IFT122: variants seen among roughly 807,000 people sequenced by gnomAD.
The protein encoded by IFT122 is intraflagellar transport 122, also known as intraflagellar transport protein 122 homolog.
IFT122 carries 118 observed loss-of-function variants against 161.6 expected under a neutral mutation model. That is an observed-to-expected ratio of 0.73 (90% CI 0.63 to 0.85). The LOEUF is 0.85. Among genes scored for constraint, IFT122 ranks in the 40% least tolerant of loss-of-function variants. IFT122 has a pLI of 0.00. For missense variants in IFT122, 1,381 were observed against 1,579.6 expected (o/e 0.87, Z 2.13); for synonymous variants, 550 against 602.4 (o/e 0.91, Z 1.27).
chr3:129,477,496 G>T (rs766663236), intron 11 of IFT122, among the ~76,000 whole-genome samples: 13 of 152,212 alleles, frequency 8.5e-5, no homozygotes, highest in Non-Finnish European at 1.8e-4. Flanking sequence ...TCCCCCTGGG[G>T]GACCCTATCT....
chr3:129,455,513 A>G (rs1254626782), intron 3 of IFT122, among the ~76,000 whole-genome samples: 5 of 152,174 alleles, frequency 3.3e-5, no homozygotes, highest in African/African-American at 1.2e-4. Context: ...ATATAAAAGT[A>G]TGTAAGACAT....
At chr3:129,467,135 A>G (rs1053713518) in intron 8 of IFT122, 69 bp downstream of exon 8, 2 of 1,485,306 alleles carry the variant, frequency 1.3e-6, no homozygotes, top group Admixed American at 1.8e-5. Flanking sequence ...TTGCCAGGAC[A>G]GATGTTAAAC....
chr3:129,470,189 G>A (rs2077215428), intron 9 of IFT122, among the ~76,000 whole-genome samples: 1 of 152,128 alleles, frequency 6.6e-6, no homozygotes, highest in Admixed American at 6.5e-5. Flanking sequence ...CTGCATCTCA[G>A]AGTTTGTGAC....
In IFT122 at chr3:129,514,672, T is replaced by C. The variant is rs1382363085; in HGVS notation, c.3153+118T>C. ...GACAGCTGCAGCTCCCTCTAGGCTC[T>C]GTGCCCCCTGCTCAAGCCTGGCCAT... is the stretch of plus-strand genomic sequence containing the variant. On this transcript the variant is annotated intron_variant, in intron 25 of 29. Transcript: ENST00000348417. 5.1e-6 allele frequency: 6 copies of C among 1,174,950 alleles called. No homozygotes were observed. The African/African-American group carries it at 7.5e-5, about 15-fold the overall frequency. 72.8% of individuals were successfully genotyped at this position (1,174,950 alleles called of 1,614,324 possible).
chr3:129,484,040 C>CGCG, intron 15 of IFT122: 1 of 344,230 alleles, frequency 2.9e-6, no homozygotes, highest in Non-Finnish European at 5.7e-6. Flanking sequence ...TGTGTGAGTA[C>CGCG]GTGTGTGATG....
At chr3:129,510,348 C>G (rs2082683996) in intron 23 of IFT122, among the ~76,000 whole-genome samples, 2 of 152,230 alleles carry the variant, frequency 1.3e-5, no homozygotes, top group Admixed American at 1.3e-4. Context: ...AAGAAGGACT[C>G]CTGACAGGCT....
intron 25 of IFT122, chr3:129,515,127 T>TGTGA (rs1266756884): frequency 2.4e-6 from 1 of 419,226 alleles, no homozygotes; most frequent in African/African-American, 2.0e-5. Flanking sequence ...CACAGGTAGT[T>TGTGA]GTGAGGCTAA....
chr3:129,479,215 A>G (rs964044256), intron 12 of IFT122, among the ~76,000 whole-genome samples: 1 of 147,472 alleles, frequency 6.8e-6, no homozygotes, highest in African/African-American at 2.5e-5. Flanking sequence ...TGAGGCTAGT[A>G]GTTCGAAAGC....
intron 19 of IFT122, among the ~76,000 whole-genome samples, chr3:129,502,236 A>G (rs1444178765): frequency 6.6e-6 from 1 of 152,214 alleles, no homozygotes; most frequent in Non-Finnish European, 1.5e-5. Context: ...ATGCCTTGGC[A>G]TCCACTTTTC....
intron 26 of IFT122, among the ~76,000 whole-genome samples, chr3:129,516,965 C>CACACACACACACAGACTGCCCCT (rs2083912460): frequency 7.6e-6 from 1 of 132,088 alleles, no homozygotes; most frequent in Non-Finnish European, 1.6e-5. Flanking sequence ...ACTGCCCCTA[C>CACACACACACACAGACTGCCCCT]ACACACACAC....
chr3:129,475,168 A>G (rs1402076722), intron 9 of IFT122, among the ~76,000 whole-genome samples: 1 of 152,124 alleles, frequency 6.6e-6, no homozygotes, highest in Non-Finnish European at 1.5e-5. Flanking sequence ...TGTGGCCAAT[A>G]AGCACATGAA....
At chr3:129,477,164 G>C (rs545683521) in intron 11 of IFT122, among the ~76,000 whole-genome samples, 8 of 152,244 alleles carry the variant, frequency 5.3e-5, no homozygotes, top group African/African-American at 1.9e-4. Flanking sequence ...TTTCTGGTCA[G>C]AGTCACTCTG....
Position 129,499,942 on chromosome 3 carries a change from T to A in IFT122, c.2249T>A (p.Leu750Gln). ...GGAGACCCCAAAGAAACAAAGATGC[T>A]AATCACCAAACAGGCTGACTGGGCC... ...GSGDPKETKM[L>Q]ITKQADWARN... is the part of the protein sequence containing the mutation. Residue 750 changes from leucine (L) to glutamine (Q), a missense_variant, in exon 19 of 30, where the codon CTA becomes CAA. Coordinates refer to ENST00000348417, the MANE Select transcript of IFT122 (RefSeq NM_052989.3). 2 of 1,614,212 alleles carry A rather than the reference T, an allele frequency of 1.2e-6. No individual in the cohort carries two copies. The highest frequency in any genetic ancestry group is 1.7e-6 in the Non-Finnish European group (2 of 1,180,042).
At chr3:129,517,274 A>ACG (rs1560027538) in intron 26 of IFT122, among the ~76,000 whole-genome samples, 195 bp from the exon 27 acceptor site, 1 of 129,084 alleles carries the variant, frequency 7.7e-6, no homozygotes, top group Non-Finnish European at 1.6e-5. Flanking sequence ...TCCTGCACAC[A>ACG]CACACACACA....
intron 17 of IFT122, among the ~76,000 whole-genome samples, chr3:129,493,143 G>A (rs936228503): frequency 6.6e-6 from 1 of 152,088 alleles, no homozygotes; most frequent in African/African-American, 2.4e-5. Flanking sequence ...TAATTTCTGT[G>A]TATCTCAGTG....
At chr3:129,479,999 G>C in intron 13 of IFT122, 77 bp downstream of exon 13, 1 of 1,569,246 alleles carries the variant, frequency 6.4e-7, no homozygotes, top group Non-Finnish European at 8.8e-7. Context: ...CAATGACTCT[G>C]AGCTGGGTTC....
chr3:129,446,987 T>C (rs1031274841), intron 1 of IFT122, among the ~76,000 whole-genome samples: 48 of 152,200 alleles, frequency 3.2e-4, no homozygotes, highest in African/African-American at 1.2e-3. Flanking sequence ...ACCAATGAAA[T>C]CCTCTGCCTG....
chr3:129,468,423 A>G (rs929591966), intron 8 of IFT122, among the ~76,000 whole-genome samples: 35 of 151,582 alleles, frequency 2.3e-4, no homozygotes, highest in African/African-American at 8.5e-4. Context: ...GGCTCACTGC[A>G]ACTTCCGCCT....
chr3:129,487,335 C>A (rs944642352), intron 15 of IFT122, among the ~76,000 whole-genome samples: 49 of 152,174 alleles, frequency 3.2e-4, no homozygotes, highest in African/African-American at 1.2e-3. Context: ...GGGCACAGAA[C>A]CTGGAGTCCA....
Sources: gnomAD v4.1 joint callset for allele counts (sites outside exome capture counted in the v4.1 genomes callset) on GRCh38, gnomAD v4.1.1 for gene constraint, MANE v1.5 for transcripts, NCBI Gene and HGNC (gene_info 2026-07-23, HGNC 2026-07-21) for gene names.